PRKG1: variants seen among roughly 807,000 people sequenced by gnomAD.
PRKG1 encodes the protein protein kinase cGMP-dependent 1, also known as cGMP-dependent protein kinase 1.
Under a neutral mutation model 88.1 loss-of-function variants are expected in PRKG1, and 35 were observed. The observed-to-expected ratio is 0.40, with a 90% CI of 0.30 to 0.53. The LOEUF is 0.53. PRKG1 is among the 20% of genes least tolerant of loss of function. The pLI, the probability that PRKG1 is intolerant of heterozygous loss-of-function variation, is 0.59. For synonymous variants in PRKG1, 303 were observed against 292.5 expected (o/e 1.04, Z -0.37); for missense variants, 540 against 839.8 (o/e 0.64, Z 4.41).
chr10:51,673,418 A>G (rs1293046768), intron 3 of PRKG1, among the ~76,000 whole-genome samples: 1 of 152,222 alleles, frequency 6.6e-6, no homozygotes, highest in Non-Finnish European at 1.5e-5. Flanking sequence ...GAAATCACTG[A>G]GATGGGAGCT....
intron 5 of PRKG1, 22 bp downstream of exon 5, chr10:51,907,592 A>C: frequency 6.2e-7 from 1 of 1,600,678 alleles, no homozygotes; most frequent in South Asian, 1.1e-5. Flanking sequence ...TAGCCTTTGA[A>C]CTTTTTGAGA....
At chr10:51,532,391 A>T (rs1842040266) in intron 3 of PRKG1, among the ~76,000 whole-genome samples, 2 of 152,160 alleles carry the variant, frequency 1.3e-5, no homozygotes, top group Non-Finnish European at 2.9e-5. Flanking sequence ...ATATCATTTG[A>T]CTTCCCTGAA....
chr10:51,706,111 G>A (rs1457183936), intron 3 of PRKG1, among the ~76,000 whole-genome samples: 1 of 152,162 alleles, frequency 6.6e-6, no homozygotes, highest in Non-Finnish European at 1.5e-5. Context: ...TCAATTTGCA[G>A]GACTATAGTT....
In PRKG1 at chr10:52,216,083, G is replaced by A. The variant is rs111448422; in HGVS notation, c.1077-35487G>A. Among the ~76,000 whole-genome samples, 260 of 152,320 alleles carry A rather than the reference G, an allele frequency of 1.7e-3. 1 individual carries two copies. Among genetic ancestry groups the A allele is most frequent in the African/African-American group, 5.8e-3 (241 of 41,578 alleles). On this transcript the variant is annotated intron_variant, in intron 9 of 17. Transcript: ENST00000373980. ...ATTACTTTCTCATAAATTTACTGAA[G>A]TAAGAAGAGAGCTAGCAGACTTGGG...
chr10:51,697,619 A>G (rs2132405538), intron 3 of PRKG1: 1 of 1,369,888 alleles, frequency 7.3e-7, no homozygotes, highest in South Asian at 1.3e-5. Flanking sequence ...GTGTGGGGAT[A>G]CAGAAGTCAG....
intron 9 of PRKG1, among the ~76,000 whole-genome samples, chr10:52,169,040 G>A (rs932503935): frequency 2.0e-5 from 3 of 152,152 alleles, no homozygotes; most frequent in Non-Finnish European, 4.4e-5. Context: ...CTGTGGATGA[G>A]ATAGAAATTA....
intron 1 of PRKG1, among the ~76,000 whole-genome samples, chr10:51,126,398 TTA>T (rs1845419786): frequency 7.2e-6 from 1 of 138,070 alleles, no homozygotes; most frequent in Non-Finnish European, 1.6e-5. Context: ...TTATAATTAT[TTA>T]TATATTTATA....
intron 2 of PRKG1, among the ~76,000 whole-genome samples, chr10:51,261,717 A>G (rs1411831459): frequency 1.4e-5 from 2 of 140,754 alleles, no homozygotes; most frequent in Non-Finnish European, 3.0e-5. Flanking sequence ...CATTCTCTGA[A>G]GCAGAGGTTT....
Position 52,116,456 on chromosome 10 carries a change from T to A in PRKG1, c.936-17384T>A, listed in dbSNP as rs529921512. 1.4e-4 allele frequency among the ~76,000 whole-genome samples: 21 copies of A among 152,298 alleles called. No individual in the cohort carries two copies. The South Asian group carries it at 3.7e-3, about 27-fold the overall frequency. On this transcript the variant is annotated intron_variant, in intron 7 of 17. Coordinates refer to ENST00000373980, the MANE Select transcript of PRKG1 (RefSeq NM_006258.4). ...TTATAGTAAGAAATAATTTTCATTA[T>A]TTTCTGTAGGTTTCAGACTAGAGAT...
At chr10:51,291,375 C>A (rs1023741930) in intron 2 of PRKG1, among the ~76,000 whole-genome samples, 1 of 152,092 alleles carries the variant, frequency 6.6e-6, no homozygotes, top group South Asian at 2.1e-4. Context: ...TGTCTCTGGG[C>A]CCCACTCGGA....
intron 9 of PRKG1, among the ~76,000 whole-genome samples, chr10:52,203,372 TGA>T (rs1839727060): frequency 6.6e-6 from 1 of 152,230 alleles, no homozygotes; most frequent in Non-Finnish European, 1.5e-5. Context: ...CATTATGGTC[TGA>T]GAGTGTGGTG....
In PRKG1 at chr10:51,664,910, G is replaced by A. The variant is rs1402285976; in HGVS notation, c.593-139675G>A. On this transcript the variant is annotated intron_variant, in intron 3 of 17. Transcript: ENST00000373980. ...TTTAATCAGCAACGGCTTGGGGATA[G>A]CTTCATTATTGTTATAAGAGTATGT... is the stretch of plus-strand genomic sequence containing the variant. Among the ~76,000 whole-genome samples, 5 of 152,142 alleles carry A rather than the reference G, an allele frequency of 3.3e-5. No individual in the cohort carries two copies. The East Asian group carries it at 9.6e-4, about 29-fold the overall frequency.
At chr10:51,289,951 C>G (rs1420716101) in intron 2 of PRKG1, among the ~76,000 whole-genome samples, 2 of 152,114 alleles carry the variant, frequency 1.3e-5, no homozygotes. Flanking sequence ...TCCATGCCTC[C>G]TTTTTGGATG....
chr10:51,514,161 G>C (rs1311568269), intron 3 of PRKG1, among the ~76,000 whole-genome samples: 2 of 147,712 alleles, frequency 1.4e-5, no homozygotes, highest in Non-Finnish European at 3.0e-5. Flanking sequence ...ATGATAAAGG[G>C]GATATCACCA....
intron 4 of PRKG1, among the ~76,000 whole-genome samples, chr10:51,905,760 G>A (rs2132942887): frequency 6.6e-6 from 1 of 152,236 alleles, no homozygotes; most frequent in East Asian, 1.9e-4. Context: ...ATGTATTGGA[G>A]CAAACTAAGC....
intron 3 of PRKG1, among the ~76,000 whole-genome samples, chr10:51,605,108 G>A (rs1281265175): frequency 1.3e-5 from 2 of 152,146 alleles, no homozygotes; most frequent in African/African-American, 4.8e-5. Flanking sequence ...ACTCCCCTCG[G>A]CATCTGCGTT....
chr10:52,202,085 G>A (rs902742549), intron 9 of PRKG1, among the ~76,000 whole-genome samples: 65 of 151,906 alleles, frequency 4.3e-4, no homozygotes, highest in African/African-American at 1.5e-3. Flanking sequence ...ATGAATTCCA[G>A]TACTATGTTG....
intron 5 of PRKG1, among the ~76,000 whole-genome samples, chr10:52,029,874 C>G: frequency 6.6e-6 from 1 of 152,062 alleles, no homozygotes; most frequent in East Asian, 1.9e-4. Context: ...TCAGGTGTCT[C>G]TCCTGCAAAA....
At chr10:52,290,687 CA>C in intron 17 of PRKG1, among the ~76,000 whole-genome samples, 1 of 151,686 alleles carries the variant, frequency 6.6e-6, no homozygotes, top group East Asian at 2.0e-4. Context: ...TCTGTCTCTA[CA>C]AAAAAAGAAA....
Sources: gnomAD v4.1 joint callset for allele counts (sites outside exome capture counted in the v4.1 genomes callset) on GRCh38, gnomAD v4.1.1 for gene constraint, MANE v1.5 for transcripts, NCBI Gene and HGNC (gene_info 2026-07-23, HGNC 2026-07-21) for gene names.